Variants in ADCY2 observed in about 807,000 individuals in gnomAD.
ADCY2 encodes adenylate cyclase 2.
Under a neutral mutation model 125.2 loss-of-function variants are expected in ADCY2, and 31 were observed. The ratio of observed to expected loss-of-function variants is 0.25; its 90% CI spans 0.19 to 0.33. ADCY2 has a LOEUF of 0.33. ADCY2 is among the 10% of genes least tolerant of loss of function. The pLI is 1.00. For missense variants in ADCY2, 904 were observed against 1,418.2 expected, an observed-to-expected ratio of 0.64 and a Z score of 5.82; for synonymous variants, 512 against 548.4, an observed-to-expected ratio of 0.93 and a Z score of 0.93.
At chr5:7,661,613 C>T (rs1040823038) in intron 4 of ADCY2, among the ~76,000 whole-genome samples, 11 of 152,236 alleles carry the variant, frequency 7.2e-5, no homozygotes, top group Non-Finnish European at 1.2e-4. Context: ...TGATGTAATA[C>T]TCAGTGACCT....
At chr5:7,815,201 C>T (rs957204822) in intron 22 of ADCY2, among the ~76,000 whole-genome samples, 1 of 152,202 alleles carries the variant, frequency 6.6e-6, no homozygotes, top group African/African-American at 2.4e-5. Context: ...ATTCAATAGG[C>T]ATTTATTGAG....
At chr5:7,453,282 T>TGAGA (rs1483652072) in intron 2 of ADCY2, among the ~76,000 whole-genome samples, 1 of 152,200 alleles carries the variant, frequency 6.6e-6, no homozygotes, top group Non-Finnish European at 1.5e-5. Flanking sequence ...TTGTATAAGG[T>TGAGA]GAGAGGTGCA....
chr5:7,707,924 T>C (rs1741313114), intron 9 of ADCY2, 86 bp downstream of exon 9: 3 of 1,427,540 alleles, frequency 2.1e-6, no homozygotes. Context: ...CAATATCCAA[T>C]ATAATTCTTT....
chr5:7,487,136 G>A (rs116439692), intron 2 of ADCY2, among the ~76,000 whole-genome samples: 2,353 of 152,300 alleles, frequency 0.015, 67 homozygotes, highest in African/African-American at 0.054. Context: ...GGGCCTTCAG[G>A]AAAGTATTAT....
At chr5:7,704,758 A>G (rs896076239) in intron 7 of ADCY2, among the ~76,000 whole-genome samples, 32 of 152,030 alleles carry the variant, frequency 2.1e-4, no homozygotes, top group African/African-American at 5.8e-4. Context: ...TGCGCCTGTA[A>G]TCCCAGCTAC....
chr5:7,783,730 A>G (rs998007112), intron 18 of ADCY2, among the ~76,000 whole-genome samples: 1 of 152,318 alleles, frequency 6.6e-6, no homozygotes, highest in African/African-American at 2.4e-5. Flanking sequence ...ACTGCCTGGA[A>G]TGTGATAGTG....
chr5:7,490,912 A>G (rs541963821), intron 2 of ADCY2, among the ~76,000 whole-genome samples: 7 of 152,252 alleles, frequency 4.6e-5, no homozygotes, highest in Non-Finnish European at 1.0e-4. Flanking sequence ...TGATACAAGT[A>G]AGAAATAGAA....
intron 2 of ADCY2, among the ~76,000 whole-genome samples, chr5:7,483,402 A>G (rs1002059117): frequency 6.6e-6 from 1 of 151,240 alleles, no homozygotes; most frequent in Non-Finnish European, 1.5e-5. Context: ...GTGATGATTG[A>G]AAACTGCAGT....
At chr5:7,448,344 T>C (rs1741352659) in intron 2 of ADCY2, among the ~76,000 whole-genome samples, 2 of 152,196 alleles carry the variant, frequency 1.3e-5, no homozygotes, top group South Asian at 4.1e-4. Context: ...TTTTCCCTCG[T>C]GCTCAGAGTT....
chr5:7,718,399 C>T (rs577486416), intron 12 of ADCY2, among the ~76,000 whole-genome samples: 1 of 152,264 alleles, frequency 6.6e-6, no homozygotes, highest in South Asian at 2.1e-4. Flanking sequence ...CCACCCGCCT[C>T]AGCCTCCCAA....
intron 2 of ADCY2, among the ~76,000 whole-genome samples, chr5:7,423,935 C>G (rs535944204): frequency 6.6e-6 from 1 of 152,300 alleles, no homozygotes; most frequent in South Asian, 2.1e-4. Context: ...CCTCCCACCC[C>G]CATCTCTACA....
At chr5:7,462,675 T>C (rs1279604407) in intron 2 of ADCY2, among the ~76,000 whole-genome samples, 1 of 152,232 alleles carries the variant, frequency 6.6e-6, no homozygotes, top group Admixed American at 6.5e-5. Flanking sequence ...GTGGTGACAT[T>C]ATATTCAGTG....
intron 22 of ADCY2, among the ~76,000 whole-genome samples, chr5:7,815,931 C>G (rs2126536669): frequency 6.6e-6 from 1 of 152,344 alleles, no homozygotes; most frequent in South Asian, 2.1e-4. Flanking sequence ...CAAGGTTGGT[C>G]TCTCCTGAGG....
intron 3 of ADCY2, among the ~76,000 whole-genome samples, chr5:7,550,111 C>A (rs1027106882): frequency 2.0e-5 from 3 of 152,074 alleles, no homozygotes; most frequent in Non-Finnish European, 4.4e-5. Context: ...TAATCCTCAC[C>A]CACTATGGCC....
At chr5:7,636,032 C>T (rs1390589573) in intron 4 of ADCY2, among the ~76,000 whole-genome samples, 1 of 152,200 alleles carries the variant, frequency 6.6e-6, no homozygotes, top group African/African-American at 2.4e-5. Context: ...CTTGTTTATC[C>T]TGGCACATGC....
chr5:7,719,647 C>G (rs1741700226), intron 12 of ADCY2, among the ~76,000 whole-genome samples: 1 of 152,196 alleles, frequency 6.6e-6, no homozygotes, highest in Admixed American at 6.5e-5. Flanking sequence ...CAGTCTTTCC[C>G]CAGTGCATGC....
chr5:7,471,662 C>A (rs1167868441), intron 2 of ADCY2, among the ~76,000 whole-genome samples: 1 of 151,642 alleles, frequency 6.6e-6, no homozygotes, highest in African/African-American at 2.4e-5. Flanking sequence ...TTTACATTTA[C>A]TTTATTTCTG....
intron 2 of ADCY2, among the ~76,000 whole-genome samples, chr5:7,493,181 C>T (rs542115274): frequency 1.3e-5 from 2 of 152,156 alleles, no homozygotes; most frequent in African/African-American, 4.8e-5. Context: ...GGGAGGAAAG[C>T]CAGGAGTCAG....
intron 2 of ADCY2, among the ~76,000 whole-genome samples, chr5:7,435,590 C>T (rs146112750): frequency 1.4e-3 from 207 of 152,286 alleles, no homozygotes; most frequent in African/African-American, 4.6e-3. Context: ...GAATTCAAAA[C>T]GATTTCTTAT....
Sources: gnomAD v4.1 joint callset for allele counts (sites outside exome capture counted in the v4.1 genomes callset) on GRCh38, gnomAD v4.1.1 for gene constraint, MANE v1.5 for transcripts, NCBI Gene and HGNC (gene_info 2026-07-23, HGNC 2026-07-21) for gene names.